The following OTOP1 variants were observed in gnomAD, a reference collection of about 807,000 sequenced individuals.
OTOP1 encodes otopetrin 1.
A neutral mutation model predicts 52.9 loss-of-function variants in OTOP1; 59 were observed. That is an observed-to-expected ratio of 1.12 (90% CI 0.91 to 1.39). The LOEUF (loss-of-function observed/expected upper bound fraction) is 1.39, where lower values mean the gene tolerates loss of function less well. Among genes scored for constraint, OTOP1 ranks in the 40% most tolerant of loss-of-function variants. The pLI is 0.00. For missense variants in OTOP1, 761 were observed against 800.9 expected (o/e 0.95, Z 0.60); for synonymous variants, 317 against 337.7 (o/e 0.94, Z 0.67).
intron 2 of OTOP1, among the ~76,000 whole-genome samples, chr4:4,209,852 C>G (rs1450688489): frequency 2.0e-5 from 3 of 152,142 alleles, no homozygotes; most frequent in Non-Finnish European, 4.4e-5. Flanking sequence ...CCACACATCG[C>G]CCCCCTACCC....
At chr4:4,198,357 T>C (rs1379067305) in intron 4 of OTOP1, among the ~76,000 whole-genome samples, 2 of 152,304 alleles carry the variant, frequency 1.3e-5, no homozygotes, top group African/African-American at 4.8e-5. Context: ...AAGATGACTC[T>C]ATTGTTGTAA....
intron 1 of OTOP1, among the ~76,000 whole-genome samples, chr4:4,214,643 C>A (rs1477198313): frequency 6.6e-6 from 1 of 152,144 alleles, no homozygotes; most frequent in African/African-American, 2.4e-5. Context: ...AATTCTGACA[C>A]ACGATACAGT....
chr4:4,201,116 C>G (rs1331252847), intron 4 of OTOP1, among the ~76,000 whole-genome samples: 2 of 152,144 alleles, frequency 1.3e-5, no homozygotes, highest in African/African-American at 4.8e-5. Flanking sequence ...ATGGCTTCAT[C>G]CATATAATGA....
At chr4:4,226,298 G>C (rs1717430739) in intron 1 of OTOP1, among the ~76,000 whole-genome samples, 164 bp downstream of exon 1, 1 of 77,668 alleles carries the variant, frequency 1.3e-5, no homozygotes, top group Admixed American at 9.5e-5. Flanking sequence ...GAGAGAGAGA[G>C]AGGAAAGGAA....
At chr4:4,191,811 A>G (rs1716514997) in intron 5 of OTOP1, among the ~76,000 whole-genome samples, 1 of 152,164 alleles carries the variant, frequency 6.6e-6, no homozygotes, top group Non-Finnish European at 1.5e-5. Flanking sequence ...CCATAAGAGG[A>G]AGACCAGAGA....
At chr4:4,216,977 G>A (rs1717168851) in intron 1 of OTOP1, among the ~76,000 whole-genome samples, 1 of 152,160 alleles carries the variant, frequency 6.6e-6, no homozygotes, top group Admixed American at 6.5e-5. Flanking sequence ...GGTGTGGACG[G>A]GGCCCCAAAA....
At chr4:4,224,685 A>G (rs992773812) in intron 1 of OTOP1, among the ~76,000 whole-genome samples, 21 of 152,208 alleles carry the variant, frequency 1.4e-4, no homozygotes, top group Admixed American at 1.3e-3. Context: ...CCACGCTGCA[A>G]TGGTGTCAAA....
chr4:4,209,505 T>G (rs1234142071), intron 2 of OTOP1, among the ~76,000 whole-genome samples: 18 of 152,142 alleles, frequency 1.2e-4, no homozygotes, highest in Admixed American at 1.2e-3. Context: ...AAAATTCACA[T>G]CTGTCCCAGT....
chr4:4,226,488 G>T lies in OTOP1; in HGVS notation c.377C>A (p.Thr126Lys), dbSNP rs1378808228. Residue 126 changes from threonine to lysine, a missense_variant, in exon 1 of 6, where the codon ACG becomes AAG. Around this residue, in one of 3 missense-constraint regions of OTOP1, gnomAD observed 632 missense variants for 619.5 expected, o/e 1.02. Coordinates refer to ENST00000296358, the MANE Select transcript of OTOP1 (RefSeq NM_177998.3). ...AHRRLFRLKD[T>K]HAGAGWLRGS... ...GCGCAGCCAGCCGGCACCCGCGTGC[G>T]TGTCCTTGAGGCGGAAGAGGCGGCG... is the stretch of plus-strand genomic sequence containing the variant. The T allele has an allele frequency of 1.3e-6, 2 of 1,558,324 alleles. No individual in the cohort carries two copies. The highest frequency in any genetic ancestry group is 2.4e-5 in the East Asian group (1 of 41,266).
chr4:4,213,957 G>A (rs1401384590), intron 1 of OTOP1, among the ~76,000 whole-genome samples: 1 of 152,122 alleles, frequency 6.6e-6, no homozygotes, highest in Non-Finnish European at 1.5e-5. Context: ...TGGTATGGTG[G>A]TGCATGCCTA....
intron 3 of OTOP1, among the ~76,000 whole-genome samples, chr4:4,202,892 C>A (rs1043761762): frequency 7.2e-5 from 11 of 152,196 alleles, no homozygotes; most frequent in African/African-American, 2.7e-4. Flanking sequence ...TAAAAGCAGA[C>A]AACCCACCCC....
chr4:4,203,913 T>G (rs1296346075), intron 3 of OTOP1, among the ~76,000 whole-genome samples: 2 of 152,208 alleles, frequency 1.3e-5, no homozygotes, highest in South Asian at 4.1e-4. Flanking sequence ...CCACAGAATC[T>G]TGGCATTCAG....
chr4:4,197,320 A>G lies in OTOP1; in HGVS notation c.1514T>C (p.Met505Thr), dbSNP rs1716661194. The change falls in exon 5 of 6, where the codon ATG becomes ACG. Residue 505 changes from methionine to threonine, a missense_variant. Met to Thr is a moderately conservative substitution (Grantham distance 81, BLOSUM62 -1). Coordinates refer to ENST00000296358, the MANE Select transcript of OTOP1 (RefSeq NM_177998.3). ...MPPAANGNVC[M>T]RESHDKEEEK... ...CTCCTCCTTGTCATGGCTTTCTCTC[A>G]TGCACACATTTCCATTGGCTGCTGG... 6.2e-7 allele frequency: 1 copy of G among 1,613,922 alleles called. No individual in the cohort carries two copies. The highest frequency in any genetic ancestry group is 2.2e-5 in the East Asian group (1 of 44,852).
Position 4,192,981 on chromosome 4 carries a change from G to C in OTOP1, c.1669-4008C>G, listed in dbSNP as rs867917033. On this transcript the variant is annotated intron_variant, in intron 5 of 5. Transcript: ENST00000296358. ...GGTGTGATGTTTGCACAATGTGAACGTACTTTACTTCACCACACACTTGAA... is the reference window on the plus strand; with the variant it reads ...GGTGTGATGTTTGCACAATGTGAACCTACTTTACTTCACCACACACTTGAA... 2.6e-5 allele frequency among the ~76,000 whole-genome samples: 4 copies of C among 152,134 alleles called. No homozygotes were observed. The South Asian group carries it at 8.3e-4, about 32-fold the overall frequency.
At chr4:4,212,825 C>T (rs1179236323) in intron 2 of OTOP1, 43 bp downstream of exon 2, 2 of 1,608,176 alleles carry the variant, frequency 1.2e-6, no homozygotes, top group South Asian at 1.1e-5. Context: ...CTGGGATACA[C>T]TTCATAGGAA....
rs1286987904 is a variant in OTOP1 at position 4,226,536 on chromosome 4, T to A, written c.329A>T (p.Tyr110Phe). Reference protein sequence around the residue: ...MLLQLLWMLWYVGRSSAHRRL... With the variant: ...MLLQLLWMLWFVGRSSAHRRL... ...GCGGTGCGCGGAGCTGCGGCCCACG[T>A]ACCACAGCATCCACAGCAGCTGCAG... The change falls in exon 1 of 6, where the codon TAC becomes TTC. Residue 110 changes from tyrosine (Y) to phenylalanine (F), a missense_variant. Coordinates refer to ENST00000296358, the MANE Select transcript of OTOP1 (RefSeq NM_177998.3). 27 of 1,601,838 alleles carry A rather than the reference T, an allele frequency of 1.7e-5. No individual in the cohort carries two copies. The highest frequency in any genetic ancestry group is 2.1e-5 in the Non-Finnish European group (25 of 1,178,084).
intron 5 of OTOP1, among the ~76,000 whole-genome samples, chr4:4,196,038 A>C (rs1254711529): frequency 6.6e-6 from 1 of 152,214 alleles, no homozygotes; most frequent in African/African-American, 2.4e-5. Flanking sequence ...TTTTGTACTT[A>C]CAGTATTTTT....
At chr4:4,223,441 GGAT>G (rs879287339) in intron 1 of OTOP1, among the ~76,000 whole-genome samples, 5,786 of 151,212 alleles carry the variant, frequency 0.038, 148 homozygotes, top group African/African-American at 0.063. Context: ...ATGGATGGAT[GGAT>G]GATGAATAAG....
chr4:4,197,369 C>A lies in OTOP1; in HGVS notation c.1465G>T (p.Ala489Ser). The A allele has an allele frequency of 1.2e-6, 2 of 1,614,052 alleles. No individual in the cohort carries two copies. The highest frequency in any genetic ancestry group is 2.2e-5 in the East Asian group (1 of 44,870). ...PKSGGVARDV[A>S]PQGKDMPPAA... The stretch of plus-strand genomic sequence containing the variant: ...GGTGGCATGTCCTTGCCCTGGGGAG[C>A]CACATCTCTGGCCACACCTCCACTC... Residue 489 changes from alanine (A) to serine (S), a missense_variant, in exon 5 of 6, where the codon GCT becomes TCT. Physicochemically the swap from Ala to Ser is moderately conservative, Grantham distance 99 (BLOSUM62 1). Around this residue, in one of 3 missense-constraint regions of OTOP1, gnomAD observed 632 missense variants for 619.5 expected, o/e 1.02. Transcript: ENST00000296358.
Sources: gnomAD v4.1 joint callset for allele counts (sites outside exome capture counted in the v4.1 genomes callset) on GRCh38, gnomAD v4.1.1 for gene constraint, gnomAD v4.1.1 regional missense constraint, MANE v1.5 for transcripts, NCBI Gene and HGNC (gene_info 2026-07-23, HGNC 2026-07-21) for gene names.